Variants in PHF2 observed in about 807,000 individuals in gnomAD.
PHF2 encodes lysine-specific demethylase PHF2.
In PHF2, 27 loss-of-function variants were observed where a neutral mutation model predicts 120.5. The observed-to-expected ratio is 0.22, with a 90% CI of 0.17 to 0.31. The LOEUF (loss-of-function observed/expected upper bound fraction) is 0.31, where lower values mean the gene tolerates loss of function less well. Among genes scored for constraint, PHF2 ranks in the 10% least tolerant of loss-of-function variants. The pLI is 1.00. For synonymous variants in PHF2, 568 were observed against 592.5 expected, an observed-to-expected ratio of 0.96 and a Z score of 0.60; for missense variants, 1,024 against 1,434.8, an observed-to-expected ratio of 0.71 and a Z score of 4.63.
At chr9:93,645,867 C>T in intron 4 of PHF2, 78 bp downstream of exon 4, 2 of 1,451,596 alleles carry the variant, frequency 1.4e-6, no homozygotes, top group South Asian at 2.7e-5. Flanking sequence ...CATGCTGTTT[C>T]CCCACGCCCT....
At position 93,615,583 on chromosome 9, in the gene PHF2, C is replaced by T. The variant is rs147729736; in HGVS notation, c.99-14387C>T. ...GTCTGAGACTCACTGACGTTGAGTACCTCTTGTGGTCCCACAATTGTTGGT... is the reference window on the plus strand; with the variant it reads ...GTCTGAGACTCACTGACGTTGAGTATCTCTTGTGGTCCCACAATTGTTGGT... On this transcript the variant is annotated intron_variant, in intron 1 of 21. Transcript: ENST00000359246. Among the ~76,000 whole-genome samples the T allele has an allele frequency of 1.1e-4, 16 of 152,156 alleles. No individual in the cohort carries two copies. In the East Asian group the frequency reaches 3.1e-3, roughly 29 times the overall value.
At chr9:93,598,571 C>G (rs1413398781) in intron 1 of PHF2, among the ~76,000 whole-genome samples, 1 of 152,116 alleles carries the variant, frequency 6.6e-6, no homozygotes, top group Non-Finnish European at 1.5e-5. Context: ...CTGCTAATAG[C>G]AGGCATGGTG....
In PHF2 at chr9:93,599,220, C is replaced by T. The variant is rs140012374; in HGVS notation, c.98+22349C>T. Among the ~76,000 whole-genome samples the T allele has an allele frequency of 7.9e-5, 12 of 152,316 alleles. No homozygotes were observed. The East Asian group carries it at 2.3e-3, about 29-fold the overall frequency. ...GGGTTCCGAAGAAGGCCTGCTGGAC[C>T]TCGGGCTGCTGCTGTGTTTATTTTT... On this transcript the variant is annotated intron_variant, in intron 1 of 21. Coordinates refer to ENST00000359246, the MANE Select transcript of PHF2 (RefSeq NM_005392.4).
At chr9:93,617,113 G>T (rs1360656095) in intron 1 of PHF2, among the ~76,000 whole-genome samples, 1 of 152,224 alleles carries the variant, frequency 6.6e-6, no homozygotes, top group Admixed American at 6.5e-5. Context: ...CATGGTCGGA[G>T]GGTGTCTGAG....
chr9:93,590,579 AC>A (rs1234871705), intron 1 of PHF2, among the ~76,000 whole-genome samples: 2 of 152,190 alleles, frequency 1.3e-5, no homozygotes, highest in Non-Finnish European at 2.9e-5. Flanking sequence ...TTCCCCATAA[AC>A]TTTTAATTTT....
At chr9:93,628,182 C>CT (rs958861263) in intron 1 of PHF2, among the ~76,000 whole-genome samples, 1 of 152,186 alleles carries the variant, frequency 6.6e-6, no homozygotes, top group African/African-American at 2.4e-5. Context: ...ATTTTTACAT[C>CT]AATATTCATT....
chr9:93,619,565 C>A (rs1028189771), intron 1 of PHF2, among the ~76,000 whole-genome samples: 1 of 151,890 alleles, frequency 6.6e-6, no homozygotes, highest in African/African-American at 2.4e-5. Context: ...CTGCTGGTAG[C>A]CCCTGGTGGC....
intron 2 of PHF2, among the ~76,000 whole-genome samples, chr9:93,632,422 G>T (rs556562935): frequency 1.1e-4 from 16 of 152,290 alleles, no homozygotes; most frequent in African/African-American, 3.4e-4. Context: ...TCAGGCTGCC[G>T]TAACAAAATA....
chr9:93,592,695 G>A (rs1825251574), intron 1 of PHF2, among the ~76,000 whole-genome samples: 1 of 152,154 alleles, frequency 6.6e-6, no homozygotes, highest in Non-Finnish European at 1.5e-5. Context: ...CTGAGCTGAT[G>A]TCTGCCACCT....
Position 93,656,244 on chromosome 9 carries a change from G to A in PHF2, c.1040+223G>A, listed in dbSNP as rs1324875030. 2.0e-5 allele frequency among the ~76,000 whole-genome samples: 3 copies of A among 152,144 alleles called. No homozygotes were observed. The highest frequency in any genetic ancestry group is 7.2e-5 in the African/African-American group (3 of 41,436). The stretch of plus-strand genomic sequence containing the variant: ...TCCTCAAGGGACCTGGCTGCTGGAT[G>A]GTTGTAGTTGCCCTTGGTGGGGTTG... On this transcript the variant is annotated intron_variant, in intron 8 of 21. Coordinates refer to ENST00000359246, the MANE Select transcript of PHF2 (RefSeq NM_005392.4). The surrounding 1 kb of genome is among the most constrained non-coding windows in gnomAD (Gnocchi z 4.1).
At position 93,673,586 on chromosome 9, in the gene PHF2, C is replaced by A; in HGVS notation, c.2350C>A (p.Gln784Lys). Residue 784 changes from glutamine (Q) to lysine (K), a missense_variant and splice_region_variant, in exon 18 of 22, where the codon CAG becomes AAG. Coordinates refer to ENST00000359246, the MANE Select transcript of PHF2 (RefSeq NM_005392.4). ...GTGCCTGTCTCTCTGTGCCCCTAGC[C>A]AGCCCCCGGCCTCCCCCAGCACACA... ...VGALEYNPSS[Q>K]PPASPSTQEA... is the part of the protein sequence containing the mutation. 1 of 1,559,196 alleles carries A rather than the reference C, an allele frequency of 6.4e-7. No individual in the cohort carries two copies. The highest frequency in any genetic ancestry group is 8.7e-7 in the Non-Finnish European group (1 of 1,148,880).
At chr9:93,653,680 G>A (rs1004248335) in intron 6 of PHF2, among the ~76,000 whole-genome samples, 8 of 152,224 alleles carry the variant, frequency 5.3e-5, no homozygotes, top group African/African-American at 1.9e-4. Context: ...CTGGAAGAGG[G>A]GCCAGCCATA....
Position 93,676,577 on chromosome 9 carries a change from G to A in PHF2, c.2833-17G>A. On this transcript the variant is annotated splice_polypyrimidine_tract_variant and intron_variant, in intron 20 of 21. Transcript: ENST00000359246. ...TGGGCTGTGCGTCTGAGGCTGCCCT[G>A]CATGTTTTGTTCAAAGGAGGAGCAG... The A allele has an allele frequency of 1.3e-6, 2 of 1,576,584 alleles. No individual in the cohort carries two copies. The highest frequency in any genetic ancestry group is 1.7e-6 in the Non-Finnish European group (2 of 1,156,514).
chr9:93,673,648 G>A lies in PHF2; in HGVS notation c.2412G>A (p.Leu804=). The A allele has an allele frequency of 2.5e-6, 4 of 1,608,892 alleles. No homozygotes were observed. Among genetic ancestry groups the A allele is most frequent in the Non-Finnish European group, 2.5e-6 (3 of 1,176,842 alleles). ...AIQGMLSMAN[L]QASDSCLQTT... Reference sequence around the variant, plus strand: ...AGGGAATGCTGTCCATGGCCAACCTGCAGGCCTCCGACTCCTGCCTGCAGA... The same window carrying A: ...AGGGAATGCTGTCCATGGCCAACCTACAGGCCTCCGACTCCTGCCTGCAGA... The change falls in exon 18 of 22, where the codon CTG becomes CTA. Residue 804 remains leucine, a synonymous_variant. Transcript: ENST00000359246.
At chr9:93,588,121 T>C (rs1863092610) in intron 1 of PHF2, among the ~76,000 whole-genome samples, 1 of 152,214 alleles carries the variant, frequency 6.6e-6, no homozygotes, top group Admixed American at 6.5e-5. Flanking sequence ...TCCCTGTCTC[T>C]GAGCAGCAGC....
At chr9:93,670,226 C>T (rs1251640971) in intron 17 of PHF2, among the ~76,000 whole-genome samples, 3 of 152,194 alleles carry the variant, frequency 2.0e-5, no homozygotes, top group African/African-American at 7.2e-5. Context: ...AAGTATGGGC[C>T]CAGGAGTGGC....
At chr9:93,659,792 G>C (rs1343316784) in intron 11 of PHF2, among the ~76,000 whole-genome samples, 192 bp downstream of exon 11, 2 of 152,218 alleles carry the variant, frequency 1.3e-5, no homozygotes, top group Non-Finnish European at 2.9e-5. Context: ...GTCTCTGGCT[G>C]GGTCTGTGTC....
chr9:93,668,228 G>A lies in PHF2; in HGVS notation c.2348+988G>A, dbSNP rs150835871. On this transcript the variant is annotated intron_variant, in intron 17 of 21. Coordinates refer to ENST00000359246, the MANE Select transcript of PHF2 (RefSeq NM_005392.4). ...AAGCATGACAGGAGGCTTCCATAGC[G>A]CCTTAGGGGACAGATTTCCTGCTTG... Among the ~76,000 whole-genome samples the A allele has an allele frequency of 6.8e-3, 1,039 of 152,254 alleles. 16 individuals carry two copies. The highest frequency in any genetic ancestry group is 0.023 in the African/African-American group (953 of 41,532).
chr9:93,624,435 G>T (rs1411314880), intron 1 of PHF2, among the ~76,000 whole-genome samples: 1 of 152,034 alleles, frequency 6.6e-6, no homozygotes, highest in Non-Finnish European at 1.5e-5. Flanking sequence ...GTTGGTAATG[G>T]TGGTGGTGGT....
Sources: allele counts gnomAD v4.1 joint callset (sites outside exome capture counted in the v4.1 genomes callset), GRCh38; gene constraint gnomAD v4.1.1; non-coding constraint Gnocchi (gnomAD v3.1); transcripts MANE v1.5; gene names NCBI Gene and HGNC (gene_info 2026-07-23, HGNC 2026-07-21).